The following CAPN14 variants were observed in gnomAD, a reference collection of about 807,000 sequenced individuals.
CAPN14 encodes calpain 14, also known as calpain-14.
A neutral mutation model predicts 101.3 loss-of-function variants in CAPN14; 94 were observed. The ratio of observed to expected loss-of-function variants is 0.93; its 90% CI spans 0.79 to 1.10. The LOEUF (loss-of-function observed/expected upper bound fraction) is 1.10. Among genes scored for constraint, CAPN14 ranks in the 50% least tolerant of loss-of-function variants. The pLI is 0.00. For synonymous variants in CAPN14, 338 were observed against 317.9 expected, an observed-to-expected ratio of 1.06 and a Z score of -0.67; for missense variants, 837 against 828.4, an observed-to-expected ratio of 1.01 and a Z score of -0.13.
In CAPN14 at chr2:31,197,232, A is replaced by T; in HGVS notation, c.875+17T>A. 6.5e-7 allele frequency: 1 copy of T among 1,536,530 alleles called. No homozygotes were observed. Among genetic ancestry groups the T allele is most frequent in the Non-Finnish European group, 8.8e-7 (1 of 1,133,104 alleles). On this transcript the variant is annotated intron_variant, in intron 8 of 21. Coordinates refer to ENST00000403897, the MANE Select transcript of CAPN14 (RefSeq NM_001145122.2). ...ACCTACCTGTTCTCACCCCTCCAAGATGTCCCCAAAGTTCACCTGTCACTC... is the reference window on the plus strand; with the variant it reads ...ACCTACCTGTTCTCACCCCTCCAAGTTGTCCCCAAAGTTCACCTGTCACTC...
Position 31,200,506 on chromosome 2 carries a change from A to T in CAPN14, c.671T>A (p.Ile224Asn). The T allele has an allele frequency of 6.4e-7, 1 of 1,551,390 alleles. No homozygotes were observed. The highest frequency in any genetic ancestry group is 8.7e-7 in the Non-Finnish European group (1 of 1,146,994). Residue 224 changes from isoleucine (I) to asparagine (N), a missense_variant, in exon 6 of 22, where the codon ATC (isoleucine) becomes AAC (asparagine). By Grantham distance (149) the Ile-to-Asn change is moderately radical. Coordinates refer to ENST00000403897, the MANE Select transcript of CAPN14 (RefSeq NM_001145122.2). ...LAEAHGNLWD[I>N]LIEATYNRTL... is the part of the protein sequence containing the mutation. The stretch of plus-strand genomic sequence containing the variant: ...TCTGTTGTAGGTGGCTTCGATGAGG[A>T]TGTCCCAGAGGTTGCCATGGGCTTC...
chr2:31,230,665 A>G lies in CAPN14; in HGVS notation c.-177+3126T>C, dbSNP rs1387128452. Among the ~76,000 whole-genome samples the G allele has an allele frequency of 6.6e-6, 1 of 152,168 alleles. No individual in the cohort carries two copies. Among genetic ancestry groups the G allele is most frequent in the Non-Finnish European group, 1.5e-5 (1 of 68,026 alleles). The stretch of plus-strand genomic sequence containing the variant: ...AGCCTCTTGTAAAAGACATTTTTGT[A>G]GCTCTTGCCAAGTTTTTTTCTATTG... On this transcript the variant is annotated intron_variant and NMD_transcript_variant, in intron 1 of 21. Transcript: ENST00000398824. The surrounding 1 kb of genome is among the most constrained non-coding windows in gnomAD (Gnocchi z 4.3).
intron 11 of CAPN14, among the ~76,000 whole-genome samples, 176 bp from the exon 12 acceptor site, chr2:31,191,583 A>G (rs1349581819): frequency 1.3e-5 from 2 of 152,192 alleles, no homozygotes; most frequent in Admixed American, 1.3e-4. Context: ...TGACATTTTA[A>G]TCTATCATTG....
chr2:31,191,430 GA>G (rs76201003), intron 11 of CAPN14, 23 bp from the exon 12 acceptor site: 54,625 of 1,224,302 alleles, frequency 0.045, 44 homozygotes, highest in African/African-American at 0.077. Flanking sequence ...AACAAAAACA[GA>G]AAAAAAAAAA....
At chr2:31,218,748 G>A (rs1004111102), upstream of CAPN14, among the ~76,000 whole-genome samples, 2 of 152,196 alleles carry the variant, frequency 1.3e-5, no homozygotes, top group Admixed American at 6.5e-5. Flanking sequence ...CAGAGATGGG[G>A]CTAAAGTCCC....
intron 16 of CAPN14, among the ~76,000 whole-genome samples, chr2:31,185,310 G>A (rs1172624592): frequency 6.6e-6 from 1 of 152,124 alleles, no homozygotes; most frequent in African/African-American, 2.4e-5. Context: ...TCTTGGGAAT[G>A]GTGATAAGAT....
chr2:31,198,409 G>T (rs979607452), intron 7 of CAPN14, among the ~76,000 whole-genome samples: 3 of 152,152 alleles, frequency 2.0e-5, no homozygotes, highest in African/African-American at 7.2e-5. Flanking sequence ...TGTGTTACAG[G>T]CGCACATCCT....
At chr2:31,199,268 T>A (rs1681630563) in intron 7 of CAPN14, among the ~76,000 whole-genome samples, 1 of 152,056 alleles carries the variant, frequency 6.6e-6, no homozygotes, top group Non-Finnish European at 1.5e-5. Flanking sequence ...CCCCAGGGGA[T>A]GAGGTTGGGA....
rs1681832558 is a variant in CAPN14 at position 31,202,233 on chromosome 2, A to T, written c.315T>A (p.Ala105=). Residue 105 remains alanine, a synonymous_variant, in exon 4 of 22, where the codon GCT becomes GCA. Coordinates refer to ENST00000403897, the MANE Select transcript of CAPN14 (RefSeq NM_001145122.2). Reference sequence around the variant, plus strand: ...GGTGCAAGGCCAGAGCTTGCAAAGCAGCCAAGAACCAGCAGTCTCCTAAGT... The same window carrying T: ...GGTGCAAGGCCAGAGCTTGCAAAGCTGCCAAGAACCAGCAGTCTCCTAAGT... ...QGIVGDCWFL[A]ALQALALHQD... is the part of the protein sequence containing the mutation. 4 of 1,551,566 alleles carry T rather than the reference A, an allele frequency of 2.6e-6. No individual in the cohort carries two copies. The highest frequency in any genetic ancestry group is 3.5e-6 in the Non-Finnish European group (4 of 1,146,968).
intron 5 of CAPN14, among the ~76,000 whole-genome samples, chr2:31,201,116 TGTGTGC>T (rs1558626096): frequency 3.0e-5 from 3 of 100,704 alleles, no homozygotes; most frequent in African/African-American, 4.0e-5. Flanking sequence ...CATGTGCGTG[TGTGTGC>T]ATGTGTGTAT....
At chr2:31,199,394 T>G in intron 7 of CAPN14, 76 bp downstream of exon 7, 1 of 1,250,504 alleles carries the variant, frequency 8.0e-7, no homozygotes, top group Admixed American at 2.1e-5. Context: ...AGAAACTAAA[T>G]CCACCAAGAT....
intron 10 of CAPN14, 125 bp from the exon 11 acceptor site, chr2:31,192,223 G>A (rs1377262043): frequency 8.9e-7 from 1 of 1,119,442 alleles, no homozygotes; most frequent in African/African-American, 1.6e-5. Context: ...GGCCCACTGG[G>A]ACAGAGTCGG....
In CAPN14 at chr2:31,230,654, G is replaced by A. The variant is rs988712631; in HGVS notation, c.-177+3137C>T. Among the ~76,000 whole-genome samples, 3 of 152,154 alleles carry A rather than the reference G, an allele frequency of 2.0e-5. No individual in the cohort carries two copies. The highest frequency in any genetic ancestry group is 7.2e-5 in the African/African-American group (3 of 41,424). On this transcript the variant is annotated intron_variant and NMD_transcript_variant, in intron 1 of 21. Transcript: ENST00000398824. This position sits in a 1 kb window ranked among gnomAD's most constrained non-coding sequence, Gnocchi z 4.3. ...GGCATTCATGTAGCCTCTTGTAAAA[G>A]ACATTTTTGTAGCTCTTGCCAAGTT...
chr2:31,181,143 A>G, intron 16 of CAPN14, 143 bp from the exon 17 acceptor site: 1 of 650,776 alleles, frequency 1.5e-6, no homozygotes, highest in Non-Finnish European at 2.8e-6. Context: ...AATGGAAGAC[A>G]GTAGAGAGAC....
intron 12 of CAPN14, 34 bp from the exon 13 acceptor site, chr2:31,189,512 G>GT: frequency 6.6e-7 from 1 of 1,521,284 alleles, no homozygotes; most frequent in African/African-American, 1.4e-5. Flanking sequence ...AGCAAGGGAG[G>GT]TGATGACCCA....
intron 16 of CAPN14, among the ~76,000 whole-genome samples, chr2:31,181,436 TTC>T (rs765076821): frequency 1.1e-4 from 17 of 148,446 alleles, no homozygotes; most frequent in African/African-American, 4.3e-4. Flanking sequence ...CTTTCTTTCT[TTC>T]TTTCTTTTTC....
chr2:31,186,422 A>C lies in CAPN14; in HGVS notation c.1645+6T>G. 2 of 1,547,654 alleles carry C rather than the reference A, an allele frequency of 1.3e-6. No homozygotes were observed. The highest frequency in any genetic ancestry group is 8.7e-7 in the Non-Finnish European group (1 of 1,145,040). On this transcript the variant is annotated splice_donor_region_variant and intron_variant, in intron 16 of 21. Transcript: ENST00000403897. ...GAGTCCTACAGAATGGCTCTAAAAC[A>C]CTTACTTGACCAGGTCATCTGGTTC...
chr2:31,210,442 C>T (rs1682338914), intron 1 of CAPN14, among the ~76,000 whole-genome samples: 1 of 126,922 alleles, frequency 7.9e-6, no homozygotes. Context: ...AGCGTGTCTC[C>T]ATCTCAAAAA....
chr2:31,189,491 G>A lies in CAPN14; in HGVS notation c.1288-13C>T. The A allele has an allele frequency of 1.3e-6, 2 of 1,547,822 alleles. No homozygotes were observed. Among genetic ancestry groups the A allele is most frequent in the Non-Finnish European group, 1.7e-6 (2 of 1,144,640 alleles). ...GGTCATCATGGTACTGTGGGTAGAG[G>A]ACAGAAGAACAGCAAGGGAGGTGAT... On this transcript the variant is annotated splice_polypyrimidine_tract_variant and intron_variant, in intron 12 of 21. Transcript: ENST00000403897.
Sources: allele counts gnomAD v4.1 joint callset (sites outside exome capture counted in the v4.1 genomes callset), GRCh38; gene constraint gnomAD v4.1.1; non-coding constraint Gnocchi (gnomAD v3.1); transcripts MANE v1.5; gene names NCBI Gene and HGNC (gene_info 2026-07-23, HGNC 2026-07-21).